Variants in CDH6 observed in about 807,000 individuals in gnomAD.
The protein encoded by CDH6 is cadherin-6.
In CDH6, 31 loss-of-function variants were observed where a neutral mutation model predicts 78.0. The observed-to-expected ratio is 0.40, with a 90% CI of 0.30 to 0.54. The LOEUF (loss-of-function observed/expected upper bound fraction) is 0.54. Ranked by LOEUF, CDH6 falls within the 20% of genes least tolerant of loss-of-function variation. The pLI, the probability that CDH6 is intolerant of heterozygous loss-of-function variation, is 0.56. For synonymous variants in CDH6, 376 were observed against 368.8 expected, an observed-to-expected ratio of 1.02 and a Z score of -0.23; for missense variants, 724 against 975.9, an observed-to-expected ratio of 0.74 and a Z score of 3.44.
At chr5:31,216,067 C>A (rs1211594434) in intron 1 of CDH6, among the ~76,000 whole-genome samples, 1 of 151,488 alleles carries the variant, frequency 6.6e-6, no homozygotes, top group Non-Finnish European at 1.5e-5. Flanking sequence ...ACAACATAGT[C>A]TATTATATTA....
chr5:31,202,725 C>A (rs1740391854), intron 1 of CDH6, among the ~76,000 whole-genome samples: 1 of 150,386 alleles, frequency 6.6e-6, no homozygotes, highest in Non-Finnish European at 1.5e-5. Context: ...ATATATGTTA[C>A]ATATATACAT....
At chr5:31,281,488 T>G (rs1174538232) in intron 2 of CDH6, among the ~76,000 whole-genome samples, 1 of 152,186 alleles carries the variant, frequency 6.6e-6, no homozygotes, top group Non-Finnish European at 1.5e-5. Flanking sequence ...GCTCTCAGCT[T>G]GATTTACCAC....
chr5:31,228,483 C>T (rs940622694), intron 1 of CDH6, among the ~76,000 whole-genome samples: 1 of 152,152 alleles, frequency 6.6e-6, no homozygotes. Flanking sequence ...GGGTCAGACA[C>T]CCATGGACTC....
intron 1 of CDH6, among the ~76,000 whole-genome samples, chr5:31,201,976 T>C (rs1248736039): frequency 2.0e-5 from 3 of 152,148 alleles, no homozygotes; most frequent in Non-Finnish European, 4.4e-5. Context: ...GAATGTGTCA[T>C]TAATAGTGAA....
intron 1 of CDH6, among the ~76,000 whole-genome samples, chr5:31,265,314 T>A (rs1742310445): frequency 6.6e-6 from 1 of 152,212 alleles, no homozygotes; most frequent in Non-Finnish European, 1.5e-5. Flanking sequence ...GGCTGCATTA[T>A]GACAAGTATA....
intron 1 of CDH6, among the ~76,000 whole-genome samples, chr5:31,210,656 T>C (rs1019799960): frequency 6.6e-6 from 1 of 152,182 alleles, no homozygotes; most frequent in Non-Finnish European, 1.5e-5. Context: ...AAGTCCCTTA[T>C]ATAAATGGTG....
chr5:31,305,437 C>G lies in CDH6; in HGVS notation c.1253+10C>G. ...CCAGGAATCCTGTCAAGTAAGCACA[C>G]TTCTGCGACATGTCTCTTTCATAAG... is the stretch of plus-strand genomic sequence containing the variant. On this transcript the variant is annotated intron_variant, in intron 7 of 11. Transcript: ENST00000265071. 6.2e-7 allele frequency: 1 copy of G among 1,604,550 alleles called. No homozygotes were observed. The highest frequency in any genetic ancestry group is 1.1e-5 in the South Asian group (1 of 89,860).
At chr5:31,211,072 T>C (rs60320271) in intron 1 of CDH6, among the ~76,000 whole-genome samples, 80,160 of 152,082 alleles carry the variant, frequency 0.53, 22,232 homozygotes, top group South Asian at 0.65. Context: ...TTTTAGCCTG[T>C]GTGTGAAGTG....
intron 1 of CDH6, among the ~76,000 whole-genome samples, chr5:31,222,863 C>G (rs1321833151): frequency 1.3e-5 from 2 of 152,098 alleles, no homozygotes; most frequent in African/African-American, 4.8e-5. Context: ...TTATTTTGTG[C>G]ATTATCCTAA....
intron 1 of CDH6, among the ~76,000 whole-genome samples, chr5:31,260,618 C>A (rs754328329): frequency 6.6e-6 from 1 of 152,158 alleles, no homozygotes; most frequent in Admixed American, 6.5e-5. Context: ...CTGTTAAAAT[C>A]GCTTCATCTG....
intron 1 of CDH6, among the ~76,000 whole-genome samples, chr5:31,235,236 C>CTTTTTTTTTTTTTT (rs543675071): frequency 1.1e-3 from 127 of 110,592 alleles, no homozygotes; most frequent in African/African-American, 2.0e-3. Flanking sequence ...ATTCCTTTTT[C>CTTTTTTTTTTTTTT]TTTTTTTTTT....
chr5:31,243,776 C>T (rs185590168), intron 1 of CDH6, among the ~76,000 whole-genome samples: 8 of 152,286 alleles, frequency 5.3e-5, no homozygotes, highest in African/African-American at 1.9e-4. Context: ...AACAGGAGTC[C>T]CTGCTACTTT....
At chr5:31,225,060 T>C (rs1424462159) in intron 1 of CDH6, among the ~76,000 whole-genome samples, 2 of 152,142 alleles carry the variant, frequency 1.3e-5, no homozygotes, top group African/African-American at 4.8e-5. Context: ...AAGCCAGGGA[T>C]GCCACTAACA....
chr5:31,305,298 A>T lies in CDH6; in HGVS notation c.1124A>T (p.Glu375Val), dbSNP rs1737955201. The T allele has an allele frequency of 2.5e-6, 4 of 1,614,172 alleles. No homozygotes were observed. The East Asian group carries it at 8.9e-5, about 36-fold the overall frequency. ...TCAGCCACGGTTAGAATTGTGGTGG[A>T]GGATGTAGATGAGCCACCTGTCTTC... ...KDSATVRIVV[E>V]DVDEPPVFSK... is the part of the protein sequence containing the mutation. The change falls in exon 7 of 12, where the codon GAG becomes GTG. Residue 375 changes from glutamate (E) to valine (V), a missense_variant. Glu to Val is a moderately radical substitution (Grantham distance 121). Coordinates refer to ENST00000265071, the MANE Select transcript of CDH6 (RefSeq NM_004932.4).
At position 31,307,285 on chromosome 5, in the gene CDH6, A is replaced by G. The variant is rs188186322; in HGVS notation, c.1253+1858A>G. ...TGCTACGTGAAGAATATTATTGCAGATAAAAGAATGTGGGGCTCTAAGGCA... is the reference window on the plus strand; with the variant it reads ...TGCTACGTGAAGAATATTATTGCAGGTAAAAGAATGTGGGGCTCTAAGGCA... On this transcript the variant is annotated intron_variant, in intron 7 of 11. Transcript: ENST00000265071. 1.7e-3 allele frequency among the ~76,000 whole-genome samples: 256 copies of G among 152,342 alleles called. 1 individual carries two copies. The highest frequency in any genetic ancestry group is 2.9e-3 in the Non-Finnish European group (197 of 68,020).
In CDH6 at chr5:31,266,856, G is replaced by T. The variant is rs116452433; in HGVS notation, c.-128-490G>T. 6.0e-3 allele frequency among the ~76,000 whole-genome samples: 917 copies of T among 152,256 alleles called. 6 individuals are homozygous for T. Among genetic ancestry groups the T allele is most frequent in the African/African-American group, 0.021 (878 of 41,536 alleles). ...CTGAAGCCAAGAGTCTGCAGAGCTG[G>T]CTCTGCCTGACTCACGCCTGGCACA... On this transcript the variant is annotated intron_variant, in intron 1 of 11. Coordinates refer to ENST00000265071, the MANE Select transcript of CDH6 (RefSeq NM_004932.4).
chr5:31,325,493 G>T lies in CDH6; in HGVS notation c.*2185G>T, dbSNP rs943882199. ...CAATAGAACAGCACCTTAATCACAC[G>T]ATTTACTGTAAAATTAAAGAGGTCT... On this transcript the variant is annotated 3_prime_UTR_variant, in exon 12 of 12. Coordinates refer to ENST00000265071, the MANE Select transcript of CDH6 (RefSeq NM_004932.4). 1 of 230,576 alleles carries T rather than the reference G, an allele frequency of 4.3e-6. No homozygotes were observed. Among genetic ancestry groups the T allele is most frequent in the Non-Finnish European group, 8.6e-6 (1 of 116,554 alleles). 14.3% of individuals were successfully genotyped at this position (230,576 alleles called of 1,614,324 possible).
chr5:31,307,295 G>T (rs1386465204), intron 7 of CDH6, among the ~76,000 whole-genome samples: 1 of 152,200 alleles, frequency 6.6e-6, no homozygotes, highest in East Asian at 1.9e-4. Context: ...ATAAAAGAAT[G>T]TGGGGCTCTA....
chr5:31,242,590 T>C (rs547057696), intron 1 of CDH6, among the ~76,000 whole-genome samples: 1 of 151,978 alleles, frequency 6.6e-6, no homozygotes, highest in African/African-American at 2.4e-5. Context: ...GATCGTAGCA[T>C]GCAGGGAAAG....
Sources: gnomAD v4.1 joint callset for allele counts (sites outside exome capture counted in the v4.1 genomes callset) on GRCh38, gnomAD v4.1.1 for gene constraint, MANE v1.5 for transcripts, NCBI Gene and HGNC (gene_info 2026-07-23, HGNC 2026-07-21) for gene names.